PCLO: variants seen among roughly 807,000 people sequenced by gnomAD.
PCLO encodes piccolo presynaptic cytomatrix protein.
A neutral mutation model predicts 427.5 loss-of-function variants in PCLO; 82 were observed. That is an observed-to-expected ratio of 0.19 (90% CI 0.16 to 0.23). The LOEUF (loss-of-function observed/expected upper bound fraction) is 0.23, where lower values mean the gene tolerates loss of function less well. PCLO is among the 10% of genes least tolerant of loss of function. PCLO has a pLI of 1.00. For missense variants in PCLO, 6,239 were observed against 6,115.9 expected (o/e 1.02, Z -0.67); for synonymous variants, 2,357 against 2,155.4 (o/e 1.09, Z -2.59).
chr7:83,151,810 T>C (rs546320077), intron 2 of PCLO, among the ~76,000 whole-genome samples: 8 of 152,292 alleles, frequency 5.3e-5, no homozygotes, highest in Admixed American at 6.5e-5. Context: ...GTGAATATAC[T>C]ATCTGGGTGA....
intron 22 of PCLO, among the ~76,000 whole-genome samples, chr7:82,793,828 T>C (rs1338374498): frequency 1.3e-5 from 2 of 152,202 alleles, no homozygotes; most frequent in Non-Finnish European, 2.9e-5. Flanking sequence ...TCACAAAGTA[T>C]TGTGTGTGGG....
intron 1 of PCLO, among the ~76,000 whole-genome samples, chr7:83,159,347 G>A (rs1472523642): frequency 6.6e-6 from 1 of 152,158 alleles, no homozygotes; most frequent in African/African-American, 2.4e-5. Context: ...AGTTCAGTCA[G>A]AATTCTTATT....
In PCLO at chr7:82,919,307, G is replaced by T. The variant is rs77922797; in HGVS notation, c.11113-2434C>A. Among the ~76,000 whole-genome samples the T allele has an allele frequency of 5.8e-3, 882 of 152,008 alleles. 12 individuals are homozygous for T. Among genetic ancestry groups the T allele is most frequent in the African/African-American group, 0.02 (832 of 41,508 alleles). ...TGGGAATGAAAATGGAGGAGTACTT[G>T]ACTATTGAAGAGGCTATAACCCAAA... On this transcript the variant is annotated intron_variant, in intron 6 of 24. Coordinates refer to ENST00000333891, the MANE Select transcript of PCLO (RefSeq NM_033026.6).
intron 21 of PCLO, 49 bp from the exon 22 acceptor site, chr7:82,801,640 T>G (rs1315768294): frequency 9.0e-7 from 1 of 1,111,980 alleles, no homozygotes; most frequent in Non-Finnish European, 1.3e-6. Flanking sequence ...ATCTCATGAA[T>G]GCAAAAGAGG....
Position 83,134,336 on chromosome 7 carries a change from C to G in PCLO, c.3214G>C (p.Asp1072His). ...CKTELNIGSK[D>H]PPNFNTCTEC... ...GTGCAAGTATTGAAGTTAGGAGGATCCTTAGAACCTATGTTGAGTTCAGTT... is the reference window on the plus strand; with the variant it reads ...GTGCAAGTATTGAAGTTAGGAGGATGCTTAGAACCTATGTTGAGTTCAGTT... The change falls in exon 3 of 25, where the codon GAT (aspartate) becomes CAT (histidine). Residue 1072 changes from aspartate to histidine, a missense_variant. Transcript: ENST00000333891. The G allele has an allele frequency of 6.2e-7, 1 of 1,610,380 alleles. No homozygotes were observed. Among genetic ancestry groups the G allele is most frequent in the Non-Finnish European group, 8.5e-7 (1 of 1,178,278 alleles).
chr7:83,132,042 A>G (rs970332268), intron 3 of PCLO, among the ~76,000 whole-genome samples: 29 of 151,968 alleles, frequency 1.9e-4, no homozygotes, highest in African/African-American at 7.0e-4. Context: ...TCCTTTTGCC[A>G]TTTTTCCAAA....
At chr7:82,922,207 T>C (rs1794612187) in intron 6 of PCLO, among the ~76,000 whole-genome samples, 1 of 151,948 alleles carries the variant, frequency 6.6e-6, no homozygotes, top group South Asian at 2.1e-4. Flanking sequence ...AAAAAAACCC[T>C]ACCATTTGAC....
In PCLO at chr7:82,914,740, G is replaced by C. The variant is rs772144520; in HGVS notation, c.13246C>G (p.Arg4416Gly). Residue 4416 changes from arginine (R) to glycine (G), a missense_variant, in exon 7 of 25, where the codon CGT (arginine) becomes GGT (glycine). By Grantham distance (125) the Arg-to-Gly change is moderately radical (BLOSUM62 -2). This residue lies in a region of PCLO where 877 missense variants were observed against 925.5 expected (regional missense o/e 0.95). Coordinates refer to ENST00000333891, the MANE Select transcript of PCLO (RefSeq NM_033026.6). ...TCATCCATGATGAATGCTATGTCAC[G>C]GTCATAGCCTCGAGTCCGTGATTCT... The part of the protein sequence containing the change: ...REESRTRGYD[R>G]DIAFIMDDFQ... The C allele has an allele frequency of 6.2e-7, 1 of 1,612,994 alleles. No homozygotes were observed. Among genetic ancestry groups the C allele is most frequent in the East Asian group, 2.2e-5 (1 of 44,704 alleles).
chr7:82,892,993 A>G (rs1486671696), intron 9 of PCLO, among the ~76,000 whole-genome samples: 1 of 152,206 alleles, frequency 6.6e-6, no homozygotes, highest in Non-Finnish European at 1.5e-5. Flanking sequence ...AAACTGTTCA[A>G]CCATTGTGGA....
intron 3 of PCLO, among the ~76,000 whole-genome samples, chr7:83,066,424 A>T (rs772698190): frequency 6.6e-6 from 1 of 152,068 alleles, no homozygotes; most frequent in Non-Finnish European, 1.5e-5. Context: ...CATAGAAGAA[A>T]CCATTATACA....
chr7:82,993,610 T>C (rs1796428329), intron 3 of PCLO, among the ~76,000 whole-genome samples: 1 of 152,006 alleles, frequency 6.6e-6, no homozygotes. Flanking sequence ...AAGGCATGTA[T>C]ATTTTTTTTA....
intron 5 of PCLO, among the ~76,000 whole-genome samples, 172 bp from the exon 6 acceptor site, chr7:82,951,662 A>AT (rs1409533773): frequency 6.6e-6 from 1 of 151,976 alleles, no homozygotes; most frequent in Non-Finnish European, 1.5e-5. Flanking sequence ...GCATGCAGTG[A>AT]TTTTGAGCAG....
At chr7:83,093,494 T>TATATATA (rs1366527152) in intron 3 of PCLO, among the ~76,000 whole-genome samples, 8 of 70,774 alleles carry the variant, frequency 1.1e-4, no homozygotes, top group African/African-American at 5.5e-4. Flanking sequence ...ATATATATAT[T>TATATATA]TTTTTTTTTT....
chr7:82,908,065 C>G (rs529185953), intron 8 of PCLO, among the ~76,000 whole-genome samples: 2 of 152,062 alleles, frequency 1.3e-5, no homozygotes, highest in South Asian at 2.1e-4. Flanking sequence ...AATAAGTCAA[C>G]TATTTTGGAT....
At chr7:82,770,083 T>C (rs1288181521) in intron 22 of PCLO, among the ~76,000 whole-genome samples, 1 of 152,074 alleles carries the variant, frequency 6.6e-6, no homozygotes, top group East Asian at 1.9e-4. Context: ...GTAATTTGAT[T>C]TTCCTTCCTT....
Position 82,990,315 on chromosome 7 carries a change from A to C in PCLO, c.3301-23828T>G, listed in dbSNP as rs576527181. On this transcript the variant is annotated intron_variant, in intron 3 of 24. Coordinates refer to ENST00000333891, the MANE Select transcript of PCLO (RefSeq NM_033026.6). ...CTAAACCATAGAAACAGGAAAATGG[A>C]TGGCTTACTAAAATGTGTGGACTAA... 2.0e-4 allele frequency among the ~76,000 whole-genome samples: 31 copies of C among 152,266 alleles called. No homozygotes were observed. In the South Asian group the frequency reaches 6.4e-3, roughly 32 times the overall value.
chr7:82,889,265 G>T (rs1479498101), intron 9 of PCLO, among the ~76,000 whole-genome samples: 1 of 152,096 alleles, frequency 6.6e-6, no homozygotes, highest in Admixed American at 6.6e-5. Context: ...TCTGTCCAGT[G>T]TCAGGTGCAA....
chr7:82,849,050 C>G, intron 10 of PCLO: 2 of 182,704 alleles, frequency 1.1e-5, no homozygotes, highest in Non-Finnish European at 2.4e-5. Context: ...CATTAATAAA[C>G]AGATGATTTT....
chr7:82,825,625 T>C (rs1791916389), intron 18 of PCLO, among the ~76,000 whole-genome samples: 1 of 148,146 alleles, frequency 6.8e-6, no homozygotes, highest in Admixed American at 6.8e-5. Context: ...TGTATATATA[T>C]TATATATATT....
Sources: allele counts gnomAD v4.1 joint callset (sites outside exome capture counted in the v4.1 genomes callset), GRCh38; gene constraint gnomAD v4.1.1; regional missense constraint gnomAD v4.1.1; transcripts MANE v1.5; gene names NCBI Gene and HGNC (gene_info 2026-07-23, HGNC 2026-07-21).